The following SENP2 variants were observed in gnomAD, a reference collection of about 807,000 sequenced individuals.
The protein encoded by SENP2 is SUMO specific peptidase 2.
In SENP2, 16 loss-of-function variants were observed where a neutral mutation model predicts 86.3. That is an observed-to-expected ratio of 0.19 (90% CI 0.13 to 0.28). The LOEUF (loss-of-function observed/expected upper bound fraction) is 0.28, where lower values mean the gene tolerates loss of function less well. Ranked by LOEUF, SENP2 falls within the 10% of genes least tolerant of loss-of-function variation. SENP2 has a pLI of 1.00. For synonymous variants in SENP2, 222 were observed against 238.7 expected, an observed-to-expected ratio of 0.93 and a Z score of 0.64; for missense variants, 552 against 703.0, an observed-to-expected ratio of 0.79 and a Z score of 2.43.
chr3:185,616,148 A>T (rs2148991721), intron 11 of SENP2, among the ~76,000 whole-genome samples: 1 of 144,142 alleles, frequency 6.9e-6, no homozygotes, highest in East Asian at 2.3e-4. Context: ...GGCGTGAGCC[A>T]CCACACCCAG....
chr3:185,609,018 C>A, intron 6 of SENP2: 1 of 354,668 alleles, frequency 2.8e-6, no homozygotes, highest in South Asian at 6.3e-5. Flanking sequence ...ATAAAGTGGG[C>A]TGGAGAGCAG....
chr3:185,632,224 G>GTTTTTTTTTTTGT lies in SENP2; in HGVS notation c.*2391_*2392insGTTTTTTTTTTTT, dbSNP rs1712510296. 1 of 71,900 alleles carries GTTTTTTTTTTTGT rather than the reference G, an allele frequency of 1.4e-5. No individual in the cohort carries two copies. The highest frequency in any genetic ancestry group is 5.6e-5 in the African/African-American group (1 of 17,932). 4.5% of individuals were successfully genotyped at this position (71,900 alleles called of 1,614,324 possible). Reference sequence around the variant, plus strand: ...CATTAAAGCCAGTGGTTTTTTTTTTGTTTTTTTTTTTTGTTTTTTTTTTTT... The same window carrying GTTTTTTTTTTTGT: ...CATTAAAGCCAGTGGTTTTTTTTTTGTTTTTTTTTTTGTTTTTTTTTTTTTGTTTTTTTTTTTT... On this transcript the variant is annotated 3_prime_UTR_variant, in exon 17 of 17. Coordinates refer to ENST00000296257, the MANE Select transcript of SENP2 (RefSeq NM_021627.3).
chr3:185,587,268 G>T (rs1411913297), intron 1 of SENP2, among the ~76,000 whole-genome samples: 1 of 152,074 alleles, frequency 6.6e-6, no homozygotes, highest in African/African-American at 2.4e-5. Context: ...AAGTAGCTGG[G>T]ATTGCAGGTG....
chr3:185,586,825 GGCTC>G lies in SENP2; in HGVS notation c.101+312_101+315del, dbSNP rs904948448. 3.9e-5 allele frequency among the ~76,000 whole-genome samples: 6 copies of G among 152,058 alleles called. No individual in the cohort carries two copies. Among genetic ancestry groups the G allele is most frequent in the African/African-American group, 1.5e-4 (6 of 41,304 alleles). On this transcript the variant is annotated intron_variant, in intron 1 of 16. Coordinates refer to ENST00000296257, the MANE Select transcript of SENP2 (RefSeq NM_021627.3). The surrounding 1 kb of genome is among the most constrained non-coding windows in gnomAD (Gnocchi z 4.3). Reference sequence around the variant, plus strand: ...ATTGAAGGAATACTGTCTTTGTTGTGGCTCACTGTTTACAAAGCACCCTCGCAAG... The same window carrying G: ...ATTGAAGGAATACTGTCTTTGTTGTGACTGTTTACAAAGCACCCTCGCAAG...
intron 2 of SENP2, among the ~76,000 whole-genome samples, chr3:185,595,534 G>A (rs1722148167): frequency 6.6e-6 from 1 of 152,182 alleles, no homozygotes; most frequent in African/African-American, 2.4e-5. Flanking sequence ...TTTCTGGAAA[G>A]TAGTTTACAT....
Position 185,633,134 on chromosome 3 carries a change from ATG to A in SENP2, c.*3292_*3293del, listed in dbSNP as rs1348386467. The A allele has an allele frequency of 6.6e-6, 1 of 152,230 alleles. No homozygotes were observed. Among genetic ancestry groups the A allele is most frequent in the African/African-American group, 2.4e-5 (1 of 41,440 alleles). The allele number at this position is 152,230 out of a possible 1,614,324, so 9.4% of individuals were successfully genotyped here. On this transcript the variant is annotated 3_prime_UTR_variant, in exon 17 of 17. Transcript: ENST00000296257. Reference sequence around the variant, plus strand: ...TTCAGAAAACCATGTCTGATAGCGGATGTCTTCCTGCTGTGAGGAGCTGCTTG... The same window carrying A: ...TTCAGAAAACCATGTCTGATAGCGGATCTTCCTGCTGTGAGGAGCTGCTTG...
chr3:185,626,184 A>G (rs1312399490), intron 15 of SENP2, 114 bp from the exon 16 acceptor site: 1 of 661,412 alleles, frequency 1.5e-6, no homozygotes, highest in Non-Finnish European at 2.6e-6. Context: ...GTAATACCTG[A>G]TTTAATATTT....
At chr3:185,592,007 A>ATATTTTTTTT (rs1722015953) in intron 2 of SENP2, among the ~76,000 whole-genome samples, 3 of 35,082 alleles carry the variant, frequency 8.6e-5, no homozygotes, top group East Asian at 1.7e-3. Flanking sequence ...AACCGGTAAT[A>ATATTTTTTTT]TTTCTTTTTT....
At chr3:185,587,730 C>CTTTTTTTTTT (rs1216278823) in intron 1 of SENP2, among the ~76,000 whole-genome samples, 15 of 73,082 alleles carry the variant, frequency 2.1e-4, no homozygotes, top group Admixed American at 1.3e-3. Context: ...CCATGCCCGG[C>CTTTTTTTTTT]TATTTTTTTT....
Position 185,629,908 on chromosome 3 carries a change from T to C in SENP2, c.*64T>C. On this transcript the variant is annotated 3_prime_UTR_variant, in exon 17 of 17. Transcript: ENST00000296257. ...TTCACAGACATTTCCATATACCTCATGCATTGTGGGTTAAAAAGTCCCTGC... is the reference window on the plus strand; with the variant it reads ...TTCACAGACATTTCCATATACCTCACGCATTGTGGGTTAAAAAGTCCCTGC... 3.3e-6 allele frequency: 5 copies of C among 1,511,574 alleles called. No individual in the cohort carries two copies. The highest frequency in any genetic ancestry group is 4.6e-6 in the Non-Finnish European group (5 of 1,087,936). The allele number at this position is 1,511,574 out of a possible 1,614,324, so 93.6% of individuals were successfully genotyped here.
At chr3:185,624,489 G>C (rs544540426) in intron 15 of SENP2, among the ~76,000 whole-genome samples, 125 of 152,100 alleles carry the variant, frequency 8.2e-4, no homozygotes, top group Non-Finnish European at 1.4e-3. Flanking sequence ...TTTCCCGGTT[G>C]GTGCTAATGA....
chr3:185,617,844 G>A (rs369951626), intron 12 of SENP2, among the ~76,000 whole-genome samples: 7 of 152,096 alleles, frequency 4.6e-5, no homozygotes, highest in African/African-American at 1.7e-4. Flanking sequence ...TTCATTTACT[G>A]GTCTTCAATA....
intron 2 of SENP2, among the ~76,000 whole-genome samples, chr3:185,595,599 A>G (rs938033696): frequency 7.9e-5 from 12 of 152,188 alleles, no homozygotes; most frequent in Non-Finnish European, 1.3e-4. Flanking sequence ...TCTAAAGCAG[A>G]ATGGCTAATG....
intron 9 of SENP2, among the ~76,000 whole-genome samples, chr3:185,612,912 G>T (rs1722742792): frequency 2.6e-5 from 4 of 152,222 alleles, no homozygotes; most frequent in Admixed American, 2.6e-4. Flanking sequence ...TGGGAGTTTG[G>T]TTGGAGTGGG....
intron 4 of SENP2, among the ~76,000 whole-genome samples, 161 bp from the exon 5 acceptor site, chr3:185,600,604 C>T (rs2148984374): frequency 6.6e-6 from 1 of 152,212 alleles, no homozygotes; most frequent in East Asian, 1.9e-4. Flanking sequence ...TTAACGTCTA[C>T]AAAATTTGTG....
intron 2 of SENP2, among the ~76,000 whole-genome samples, chr3:185,597,088 G>A (rs930781048): frequency 1.3e-5 from 2 of 151,966 alleles, no homozygotes; most frequent in Non-Finnish European, 2.9e-5. Context: ...TCCTGACCTC[G>A]TGATCTGCCT....
intron 10 of SENP2, 89 bp downstream of exon 10, chr3:185,613,497 A>G: frequency 1.3e-6 from 1 of 770,788 alleles, no homozygotes; most frequent in Non-Finnish European, 2.1e-6. Context: ...AAGTATATAT[A>G]TATAACTTTG....
chr3:185,607,319 CTTT>C (rs758884593), intron 6 of SENP2, among the ~76,000 whole-genome samples: 5 of 66,008 alleles, frequency 7.6e-5, no homozygotes, highest in Admixed American at 1.7e-4. Flanking sequence ...AGATTAGATT[CTTT>C]TTTTTTTTTT....
Position 185,623,198 on chromosome 3 carries a change from A to G in SENP2, c.1527-800A>G, listed in dbSNP as rs1395452618. 4.8e-5 allele frequency among the ~76,000 whole-genome samples: 7 copies of G among 147,142 alleles called. No individual in the cohort carries two copies. The East Asian group carries it at 7.9e-4, about 17-fold the overall frequency. On this transcript the variant is annotated intron_variant, in intron 14 of 16. Coordinates refer to ENST00000296257, the MANE Select transcript of SENP2 (RefSeq NM_021627.3). ...CTCTTGCTGCCCAGGCTGGAGTGCAATGGCGTGATCTCGGCTCACCGCAAC... is the reference window on the plus strand; with the variant it reads ...CTCTTGCTGCCCAGGCTGGAGTGCAGTGGCGTGATCTCGGCTCACCGCAAC...
Sources: allele counts gnomAD v4.1 joint callset (sites outside exome capture counted in the v4.1 genomes callset), GRCh38; gene constraint gnomAD v4.1.1; non-coding constraint Gnocchi (gnomAD v3.1); transcripts MANE v1.5; gene names NCBI Gene and HGNC (gene_info 2026-07-23, HGNC 2026-07-21).